The following NOTCH2 variants were observed in gnomAD, a reference collection of about 807,000 sequenced individuals.
NOTCH2 encodes the protein notch receptor 2.
NOTCH2 carries 29 observed loss-of-function variants against 235.8 expected under a neutral mutation model. The observed-to-expected ratio is 0.12, with a 90% CI of 0.09 to 0.17. The LOEUF is 0.17. NOTCH2 is among the 10% of genes least tolerant of loss of function. NOTCH2 has a pLI of 1.00. For synonymous variants in NOTCH2, 1,086 were observed against 1,141.5 expected (o/e 0.95, Z 0.98); for missense variants, 2,285 against 3,150.2 (o/e 0.73, Z 6.57).
chr1:120,023,307 G>A lies in NOTCH2; in HGVS notation c.155+6599C>T, dbSNP rs587624042. On this transcript the variant is annotated intron_variant, in intron 2 of 33. Transcript: ENST00000256646. The stretch of plus-strand genomic sequence containing the variant: ...AAAAAATTAGCCGGGCGTGGTGGCG[G>A]GCGCTTGTAGTCCCGGCTACTTGAG... Among the ~76,000 whole-genome samples the A allele has an allele frequency of 2.3e-3, 341 of 151,000 alleles. No homozygotes were observed. In the Middle Eastern group the frequency reaches 0.024, roughly 11 times the overall value.
At chr1:119,981,918 C>CA (rs1330795113) in intron 5 of NOTCH2, among the ~76,000 whole-genome samples, 2 of 151,346 alleles carry the variant, frequency 1.3e-5, no homozygotes, top group East Asian at 3.9e-4. Flanking sequence ...CTCTCTCAAT[C>CA]AAAAAACCTC....
chr1:119,920,712 G>T (rs1353887956), intron 29 of NOTCH2, among the ~76,000 whole-genome samples: 3 of 152,038 alleles, frequency 2.0e-5, no homozygotes, highest in East Asian at 1.9e-4. Context: ...AATTCTTCTT[G>T]TTGGCCCTAA....
intron 18 of NOTCH2, 140 bp downstream of exon 18, chr1:119,941,386 G>T: frequency 2.8e-6 from 2 of 711,422 alleles, no homozygotes; most frequent in South Asian, 3.0e-5. Flanking sequence ...CAGTAACCGG[G>T]CAATAGGAGA....
At chr1:120,040,807 G>A (rs1654513835) in intron 1 of NOTCH2, among the ~76,000 whole-genome samples, 1 of 149,838 alleles carries the variant, frequency 6.7e-6, no homozygotes, top group Non-Finnish European at 1.5e-5. Flanking sequence ...GGAGGCCGAG[G>A]TGGGCGGATC....
chr1:119,932,600 C>G (rs2101176653), intron 22 of NOTCH2, among the ~76,000 whole-genome samples: 1 of 141,148 alleles, frequency 7.1e-6, no homozygotes, highest in Non-Finnish European at 1.5e-5. Context: ...AACAAACAAA[C>G]AAACAAATAT....
intron 25 of NOTCH2, among the ~76,000 whole-genome samples, chr1:119,924,993 C>T (rs1261086086): frequency 6.6e-6 from 1 of 152,174 alleles, no homozygotes; most frequent in Non-Finnish European, 1.5e-5. Context: ...ATCCATCCTG[C>T]AGGCAGGTTA....
intron 2 of NOTCH2, among the ~76,000 whole-genome samples, chr1:120,017,311 C>A (rs1272780632): frequency 1.3e-5 from 2 of 150,146 alleles, no homozygotes; most frequent in African/African-American, 4.9e-5. Flanking sequence ...CATGGCTAAG[C>A]CCTAAAATTT....
intron 26 of NOTCH2, 68 bp downstream of exon 26, chr1:119,923,569 C>G (rs2101158480): frequency 7.5e-7 from 1 of 1,335,328 alleles, no homozygotes; most frequent in South Asian, 1.2e-5. Context: ...TGAGTTATGA[C>G]TTGTGCTATA....
At chr1:120,009,089 ATT>A (rs2101253773) in intron 2 of NOTCH2, among the ~76,000 whole-genome samples, 1 of 152,308 alleles carries the variant, frequency 6.6e-6, no homozygotes, top group East Asian at 1.9e-4. Flanking sequence ...AGGGAAACAC[ATT>A]CATGAGAAAG....
intron 12 of NOTCH2, among the ~76,000 whole-genome samples, chr1:119,957,654 C>G (rs587705745): frequency 6.6e-6 from 1 of 152,024 alleles, no homozygotes; most frequent in Non-Finnish European, 1.5e-5. Context: ...ACCTAGTAAC[C>G]AAAACATTCC....
intron 2 of NOTCH2, among the ~76,000 whole-genome samples, chr1:120,006,875 C>T (rs587664104): frequency 5.3e-5 from 8 of 152,166 alleles, no homozygotes; most frequent in African/African-American, 1.7e-4. Context: ...CTTTCATTAA[C>T]CATTGGTTGG....
chr1:119,952,981 T>A (rs1650538563), intron 14 of NOTCH2, among the ~76,000 whole-genome samples: 1 of 152,174 alleles, frequency 6.6e-6, no homozygotes, highest in South Asian at 2.1e-4. Context: ...ACTTGGCCAA[T>A]GCTGTAAAAC....
Position 120,069,423 on chromosome 1 carries a change from T to G in NOTCH2, c.-17A>C, listed in dbSNP as rs782183187. 1.3e-6 allele frequency: 2 copies of G among 1,537,336 alleles called. No homozygotes were observed. The highest frequency in any genetic ancestry group is 4.3e-4 in the Middle Eastern group (2 of 4,622). ...GGCGGGCATCTTCTCGGTCGCCTCCTCCTCCGCCGCCGCCGCCGCCGCCTG... is the reference window on the plus strand; with the variant it reads ...GGCGGGCATCTTCTCGGTCGCCTCCGCCTCCGCCGCCGCCGCCGCCGCCTG... On this transcript the variant is annotated 5_prime_UTR_variant, in exon 1 of 34. Coordinates refer to ENST00000256646, the MANE Select transcript of NOTCH2 (RefSeq NM_024408.4).
rs1553200150 is a variant in NOTCH2, at chr1:119,969,713, G to A, written c.906C>T (p.Cys302=). 1.2e-6 allele frequency: 2 copies of A among 1,614,106 alleles called. No individual in the cohort carries two copies. Among genetic ancestry groups the A allele is most frequent in the East Asian group, 4.5e-5 (2 of 44,876 alleles). The change falls in exon 6 of 34, where the codon TGC becomes TGT. Residue 302 remains cysteine, a synonymous_variant. Coordinates refer to ENST00000256646, the MANE Select transcript of NOTCH2 (RefSeq NM_024408.4). ...GQFCTEDVDE[C]LLQPNACQNG... The stretch of plus-strand genomic sequence containing the variant: ...TTTGACAGGCATTGGGCTGCAGCAG[G>A]CATTCATCCACATCCTCTGTGCAGA...
chr1:119,964,432 A>G (rs1464140802), intron 10 of NOTCH2, among the ~76,000 whole-genome samples: 2 of 152,278 alleles, frequency 1.3e-5, no homozygotes, highest in East Asian at 1.9e-4. Flanking sequence ...CCCACTTTTA[A>G]ACCTGAGCTA....
intron 3 of NOTCH2, among the ~76,000 whole-genome samples, chr1:120,002,529 G>GA (rs147474377): frequency 1.1e-3 from 161 of 142,560 alleles, no homozygotes; most frequent in Admixed American, 1.5e-3. Context: ...TCTCCATCAG[G>GA]AAAAAAAAAA....
chr1:119,963,085 G>C (rs1452481771), intron 11 of NOTCH2, among the ~76,000 whole-genome samples: 2 of 151,786 alleles, frequency 1.3e-5, no homozygotes, highest in African/African-American at 4.8e-5. Context: ...CCCCACCAGA[G>C]ACAAGTGACT....
At chr1:119,945,113 T>C (rs1553196902) in intron 17 of NOTCH2, among the ~76,000 whole-genome samples, 1 of 152,130 alleles carries the variant, frequency 6.6e-6, no homozygotes, top group East Asian at 1.9e-4. Context: ...TGTACAGCTC[T>C]TCTCCTCTAT....
At chr1:119,921,633 C>T (rs587634792) in intron 29 of NOTCH2, 80 bp downstream of exon 29, 3 of 1,146,110 alleles carry the variant, frequency 2.6e-6, no homozygotes, top group African/African-American at 1.5e-5. Flanking sequence ...CCATTCAGGA[C>T]ACTCTGGAGC....
Sources: allele counts gnomAD v4.1 joint callset (sites outside exome capture counted in the v4.1 genomes callset), GRCh38; gene constraint gnomAD v4.1.1; transcripts MANE v1.5; gene names NCBI Gene and HGNC (gene_info 2026-07-23, HGNC 2026-07-21).